Variants in SLC5A4 observed in about 807,000 individuals in gnomAD.
SLC5A4 encodes the protein probable glucose sensor protein SLC5A4.
In SLC5A4, 55 loss-of-function variants were observed where a neutral mutation model predicts 70.3. The observed-to-expected ratio is 0.78, with a 90% CI of 0.63 to 0.98. The LOEUF is 0.98. Ranked by LOEUF, SLC5A4 falls within the 50% of genes least tolerant of loss-of-function variation. The probability of loss-of-function intolerance (pLI) is 0.00; values close to 1 mark genes in which losing one functional copy is unlikely to be tolerated. For missense variants in SLC5A4, 735 were observed against 839.2 expected, an observed-to-expected ratio of 0.88 and a Z score of 1.53; for synonymous variants, 268 against 305.7, an observed-to-expected ratio of 0.88 and a Z score of 1.29.
At chr22:32,242,574 T>C (rs1054091955) in intron 5 of SLC5A4, among the ~76,000 whole-genome samples, 1 of 152,076 alleles carries the variant, frequency 6.6e-6, no homozygotes, top group Non-Finnish European at 1.5e-5. Flanking sequence ...CCAGGTATGG[T>C]GGCGCGTGCC....
At chr22:32,269,602 G>A in the SLC5A4 span, 1 of 620,220 alleles carries the variant, frequency 1.6e-6, no homozygotes. The surrounding 1 kb of genome is among the most constrained non-coding windows in gnomAD (Gnocchi z 4.1). Flanking sequence ...CCCTTTGACT[G>A]CACCCAGGCT....
chr22:32,255,215 C>T lies in SLC5A4; in HGVS notation c.115G>A (p.Val39Met). Residue 39 changes from valine (V) to methionine (M), a missense_variant, in exon 1 of 15, where the codon GTG (valine) becomes ATG (methionine). Physicochemically the swap from Val to Met is conservative, Grantham distance 21. Transcript: ENST00000266086. ...ISVIVIYFLV[V>M]MAVGLWAMLK... ...CCTACCCACAGCCCAACAGCCATCACCACCAGAAAATAGATGACAATGACT... is the reference window on the plus strand; with the variant it reads ...CCTACCCACAGCCCAACAGCCATCATCACCAGAAAATAGATGACAATGACT... 2 of 1,614,040 alleles carry T rather than the reference C, an allele frequency of 1.2e-6. No individual in the cohort carries two copies.
chr22:32,331,009 G>A, the SLC5A4 span, among the ~76,000 whole-genome samples: 13 of 125,490 alleles, frequency 1.0e-4, no homozygotes, highest in Admixed American at 2.6e-4. Context: ...TGTGTGTTGG[G>A]GGCTCTGGTG....
chr22:32,299,809 A>C, the SLC5A4 span, among the ~76,000 whole-genome samples: 421 of 126,638 alleles, frequency 3.3e-3, 8 homozygotes, highest in African/African-American at 0.012. Context: ...GTCTTTGATG[A>C]TGGTGATGTA....
chr22:32,327,160 G>A, the SLC5A4 span: 3 of 152,270 alleles, frequency 2.0e-5, no homozygotes, highest in South Asian at 6.2e-4. Flanking sequence ...TTCACCAGGA[G>A]ACCTGGATGC....
At chr22:32,239,554 A>ATAAATATATATATATATATATATT in intron 5 of SLC5A4, among the ~76,000 whole-genome samples, 1 of 16,858 alleles carries the variant, frequency 5.9e-5, no homozygotes, top group South Asian at 1.4e-3. Flanking sequence ...ATATATATAT[A>ATAAATATATATATATATATATATT]TATATATATA....
the SLC5A4 span, among the ~76,000 whole-genome samples, chr22:32,306,465 CAA>C: frequency 7.1e-3 from 964 of 135,788 alleles, 13 homozygotes; most frequent in African/African-American, 0.024. Context: ...GACTCGGTCT[CAA>C]AAAAAAAAAA....
rs904704955 is a variant in SLC5A4 at position 32,234,937 on chromosome 22, A to C, written c.821T>G (p.Ile274Ser). 6.2e-7 allele frequency: 1 copy of C among 1,613,206 alleles called. No homozygotes were observed. The highest frequency in any genetic ancestry group is 8.5e-7 in the Non-Finnish European group (1 of 1,180,024). Residue 274 changes from isoleucine to serine, a missense_variant, in exon 8 of 15, where the codon ATT becomes AGT. Physicochemically the swap from Ile to Ser is moderately radical, Grantham distance 142. Transcript: ENST00000266086. ...TCCAAATATAATTCCTGGCCATGGAATGTCCCCAGTCACAGCATCTCGGAA... is the reference window on the plus strand; with the variant it reads ...TCCAAATATAATTCCTGGCCATGGACTGTCCCCAGTCACAGCATCTCGGAA... ...HIFRDAVTGDIPWPGIIFGMP... is the reference protein window; with the variant it reads ...HIFRDAVTGDSPWPGIIFGMP...
intron 12 of SLC5A4, among the ~76,000 whole-genome samples, chr22:32,225,292 T>C (rs538524842): frequency 6.6e-6 from 1 of 152,342 alleles, no homozygotes; most frequent in South Asian, 2.1e-4. Context: ...CACAATCCCA[T>C]AGAATAGGTG....
At chr22:32,300,530 C>T in the SLC5A4 span, among the ~76,000 whole-genome samples, 101 of 151,010 alleles carry the variant, frequency 6.7e-4, no homozygotes, top group African/African-American at 2.1e-3. Flanking sequence ...GCACACGGTG[C>T]GCGCACCCAC....
chr22:32,351,307 C>T, the SLC5A4 span, among the ~76,000 whole-genome samples: 2 of 152,046 alleles, frequency 1.3e-5, no homozygotes, highest in African/African-American at 2.4e-5. Context: ...CTACTTACAA[C>T]GAATTAACAG....
chr22:32,257,481 C>T (rs553091637), upstream of SLC5A4, among the ~76,000 whole-genome samples: 4 of 151,940 alleles, frequency 2.6e-5, no homozygotes, highest in South Asian at 6.3e-4. Flanking sequence ...CAGCCTCCAC[C>T]ATAGCTGGGA....
At chr22:32,232,596 C>T (rs959731991) in intron 9 of SLC5A4, among the ~76,000 whole-genome samples, 1 of 152,102 alleles carries the variant, frequency 6.6e-6, no homozygotes, top group African/African-American at 2.4e-5. Flanking sequence ...AATTCTACCT[C>T]ATCCTGCAGT....
intron 12 of SLC5A4, among the ~76,000 whole-genome samples, chr22:32,224,955 T>C (rs1925307917): frequency 6.6e-6 from 1 of 152,220 alleles, no homozygotes; most frequent in Middle Eastern, 3.2e-3. Flanking sequence ...CAAGATGTTA[T>C]GTTTTAGAAA....
the SLC5A4 span, among the ~76,000 whole-genome samples, chr22:32,337,534 AAAAG>A: frequency 6.8e-6 from 1 of 147,956 alleles, no homozygotes; most frequent in South Asian, 2.1e-4. Context: ...ACTGTCTCCA[AAAAG>A]AAAAAAAAGA....
the SLC5A4 span, among the ~76,000 whole-genome samples, chr22:32,308,942 CTTCT>C: frequency 1.3e-5 from 2 of 152,120 alleles, no homozygotes; most frequent in African/African-American, 4.8e-5. Flanking sequence ...TCCTTCCTTC[CTTCT>C]TACCTACCTA....
chr22:32,282,219 C>G, the SLC5A4 span, among the ~76,000 whole-genome samples: 1 of 152,056 alleles, frequency 6.6e-6, no homozygotes, highest in Admixed American at 6.6e-5. Context: ...TTCTTGAACA[C>G]CCCCCTCCAG....
the SLC5A4 span, among the ~76,000 whole-genome samples, chr22:32,339,549 G>T: frequency 6.6e-6 from 1 of 152,230 alleles, no homozygotes; most frequent in Non-Finnish European, 1.5e-5. Flanking sequence ...AAGCGTGGGT[G>T]TTGTGTTTTT....
At chr22:32,274,034 A>C in the SLC5A4 span, among the ~76,000 whole-genome samples, 4 of 148,524 alleles carry the variant, frequency 2.7e-5, no homozygotes, top group African/African-American at 5.0e-5. Flanking sequence ...TTAACATTTG[A>C]TATTCTATTT....
Sources: allele counts gnomAD v4.1 joint callset (sites outside exome capture counted in the v4.1 genomes callset), GRCh38; gene constraint gnomAD v4.1.1; non-coding constraint Gnocchi (gnomAD v3.1); transcripts MANE v1.5; gene names NCBI Gene and HGNC (gene_info 2026-07-23, HGNC 2026-07-21).